PDE1C: variants seen among roughly 807,000 people sequenced by gnomAD.
PDE1C encodes the protein dual specificity calcium/calmodulin-dependent 3',5'-cyclic nucleotide phosphodiesterase 1C.
Under a neutral mutation model 93.1 loss-of-function variants are expected in PDE1C, and 62 were observed. The observed-to-expected ratio is 0.67, with a 90% confidence interval of 0.54 to 0.82. The LOEUF is 0.82. Ranked by LOEUF, PDE1C falls within the 40% of genes least tolerant of loss-of-function variation. The probability of loss-of-function intolerance (pLI) is 0.00; values close to 1 mark genes in which losing one functional copy is unlikely to be tolerated. For synonymous variants in PDE1C, 325 were observed against 310.1 expected (o/e 1.05, Z -0.50); for missense variants, 742 against 884.6 (o/e 0.84, Z 2.04).
intron 2 of PDE1C, among the ~76,000 whole-genome samples, chr7:31,939,963 G>A (rs1039217035): frequency 1.3e-5 from 2 of 152,168 alleles, no homozygotes; most frequent in Non-Finnish European, 2.9e-5. Context: ...GAGATGTGCA[G>A]TGCAGAATCT....
In PDE1C at chr7:31,751,525, G is replaced by A. The variant is rs1042524206; in HGVS notation, c.*1859C>T. ...GGGCCTCCTCAGTGTGTAGCCAAAT[G>A]ACTTTGTACAGCAAGCGCTAAAGCA... On this transcript the variant is annotated 3_prime_UTR_variant, in exon 18 of 18. Transcript: ENST00000396191. The A allele has an allele frequency of 1.3e-5, 2 of 152,126 alleles. No individual in the cohort carries two copies. Among genetic ancestry groups the A allele is most frequent in the Non-Finnish European group, 2.9e-5 (2 of 68,026 alleles). The allele number at this position is 152,126 out of a possible 1,614,324, so 9.4% of individuals were successfully genotyped here.
At chr7:32,004,005 G>C (rs964391594) in intron 2 of PDE1C, among the ~76,000 whole-genome samples, 1 of 151,834 alleles carries the variant, frequency 6.6e-6, no homozygotes, top group South Asian at 2.1e-4. Flanking sequence ...ACTTCCCACT[G>C]TATGGAATGT....
At chr7:31,937,247 A>T (rs1167099801) in intron 2 of PDE1C, among the ~76,000 whole-genome samples, 1 of 152,142 alleles carries the variant, frequency 6.6e-6, no homozygotes, top group East Asian at 1.9e-4. Flanking sequence ...TAGAACGCAA[A>T]TTCCCCCGAC....
intron 3 of PDE1C, among the ~76,000 whole-genome samples, chr7:32,111,560 A>G (rs1444987769): frequency 6.6e-6 from 1 of 152,140 alleles, no homozygotes; most frequent in Non-Finnish European, 1.5e-5. Flanking sequence ...ATTCCTCTGG[A>G]GCCACAGAGG....
the PDE1C span, among the ~76,000 whole-genome samples, chr7:31,744,695 A>G: frequency 6.6e-6 from 1 of 152,226 alleles, no homozygotes; most frequent in African/African-American, 2.4e-5. Context: ...AAATTCTTTT[A>G]AGATGGGAGG....
intron 1 of PDE1C, among the ~76,000 whole-genome samples, chr7:32,376,740 G>T (rs901874841): frequency 3.9e-5 from 6 of 151,938 alleles, no homozygotes; most frequent in Non-Finnish European, 8.8e-5. Flanking sequence ...CAGGCTGGAG[G>T]GCAGTGGCGC....
intron 16 of PDE1C, among the ~76,000 whole-genome samples, chr7:31,777,641 A>G (rs1444906138): frequency 6.6e-6 from 1 of 152,034 alleles, no homozygotes; most frequent in Non-Finnish European, 1.5e-5. Context: ...TTTCATCTTA[A>G]ACAACAGGGC....
chr7:32,006,428 A>G (rs1786263343), intron 2 of PDE1C, among the ~76,000 whole-genome samples: 1 of 152,220 alleles, frequency 6.6e-6, no homozygotes, highest in African/African-American at 2.4e-5. Context: ...TTTTACAGGA[A>G]CGAAATGTTT....
At chr7:32,396,885 G>A (rs1423604417) in intron 1 of PDE1C, among the ~76,000 whole-genome samples, 1 of 152,118 alleles carries the variant, frequency 6.6e-6, no homozygotes, top group Non-Finnish European at 1.5e-5. Context: ...TTAGAGAAGA[G>A]ATGAACATTT....
chr7:31,930,848 C>CCAA (rs1804113526), intron 2 of PDE1C, among the ~76,000 whole-genome samples: 2 of 32,638 alleles, frequency 6.1e-5, no homozygotes, highest in African/African-American at 3.4e-4. Flanking sequence ...GACTCTGTCT[C>CCAA]AAAAAAAAAA....
chr7:32,401,949 GTAA>G (rs1282202515), intron 1 of PDE1C, among the ~76,000 whole-genome samples: 1 of 152,164 alleles, frequency 6.6e-6, no homozygotes, highest in Non-Finnish European at 1.5e-5. Flanking sequence ...ATACTATTAA[GTAA>G]TAATATTATC....
At chr7:32,387,561 T>G in intron 1 of PDE1C, among the ~76,000 whole-genome samples, 1 of 119,040 alleles carries the variant, frequency 8.4e-6, no homozygotes, top group Non-Finnish European at 1.7e-5. Context: ...GGGTCCTCAC[T>G]TCCCAGTAGG....
At chr7:32,065,347 TG>T (rs1014827880) in intron 1 of PDE1C, among the ~76,000 whole-genome samples, 1 of 152,226 alleles carries the variant, frequency 6.6e-6, no homozygotes, top group Non-Finnish European at 1.5e-5. Context: ...TTTGCATTTT[TG>T]CAAAAGGCTG....
the PDE1C span, among the ~76,000 whole-genome samples, chr7:31,700,583 GT>G: frequency 6.6e-6 from 1 of 152,310 alleles, no homozygotes; most frequent in South Asian, 2.1e-4. Flanking sequence ...CTAAACAATA[GT>G]TTCTTAATGT....
intron 2 of PDE1C, among the ~76,000 whole-genome samples, chr7:31,925,533 A>G (rs1022143056): frequency 6.6e-5 from 10 of 152,132 alleles, no homozygotes; most frequent in African/African-American, 9.7e-5. Flanking sequence ...TTTAAAAAGT[A>G]TTTACATTTA....
rs111260782 is a variant in PDE1C at position 32,425,956 on chromosome 7, G to GAGGA, written c.310+1862_310+1865dup. ...AGACCCTGTCTCAAAAAAAAAGAAA[G>GAGGA]AGGAAGGAAGGAAGGAAGGAGAAAA... is the stretch of plus-strand genomic sequence containing the variant. On this transcript the variant is annotated intron_variant, in intron 1 of 1. Coordinates refer to the PDE1C transcript ENST00000672256. 3.7e-3 allele frequency among the ~76,000 whole-genome samples: 557 copies of GAGGA among 151,904 alleles called. 6 individuals carry two copies. The highest frequency in any genetic ancestry group is 0.013 in the African/African-American group (524 of 41,462).
chr7:32,029,539 T>C (rs1789985589), intron 2 of PDE1C, among the ~76,000 whole-genome samples: 1 of 151,592 alleles, frequency 6.6e-6, no homozygotes, highest in African/African-American at 2.4e-5. Context: ...CCATCTAGGG[T>C]CTGCAACAAG....
intron 2 of PDE1C, among the ~76,000 whole-genome samples, chr7:31,897,941 A>C (rs1158306042): frequency 6.6e-6 from 1 of 151,832 alleles, no homozygotes; most frequent in African/African-American, 2.4e-5. Flanking sequence ...CTCAATTACA[A>C]TGCTGGTATA....
At chr7:32,266,651 G>A (rs556686277) in intron 1 of PDE1C, among the ~76,000 whole-genome samples, 2 of 152,154 alleles carry the variant, frequency 1.3e-5, no homozygotes, top group Non-Finnish European at 2.9e-5. Flanking sequence ...AAGGTCTGGG[G>A]CCAGGGGTAA....
Sources: allele counts gnomAD v4.1 joint callset (sites outside exome capture counted in the v4.1 genomes callset), GRCh38; gene constraint gnomAD v4.1.1; transcripts MANE v1.5; gene names NCBI Gene and HGNC (gene_info 2026-07-23, HGNC 2026-07-21).